Variants in TEX11 observed in about 807,000 individuals in gnomAD.
TEX11 encodes testis expressed 11.
A neutral mutation model predicts 84.4 loss-of-function variants in TEX11; 7 were observed. That is an observed-to-expected ratio of 0.08 (90% confidence interval 0.05 to 0.16). The LOEUF (loss-of-function observed/expected upper bound fraction) is 0.16, where lower values mean the gene tolerates loss of function less well. Among genes scored for constraint, TEX11 ranks in the 10% least tolerant of loss-of-function variants. TEX11 has a pLI of 1.00. For synonymous variants in TEX11, 264 were observed against 222.8 expected, an observed-to-expected ratio of 1.18 and a Z score of -1.64; for missense variants, 551 against 660.5, an observed-to-expected ratio of 0.83 and a Z score of 1.82.
In TEX11 at chrX:70,554,851, CT is replaced by C. The variant is rs1390375037; in HGVS notation, c.2141-52del. ...TTCTTTGTGATTATATTATATTATT[CT>C]CTTTGGTTGTAATTTCACTAACTGG... On this transcript the variant is annotated intron_variant, in intron 25 of 29. Coordinates refer to ENST00000374333, the MANE Select transcript of TEX11 (RefSeq NM_031276.3). 8 of 1,077,971 alleles carry C rather than the reference CT, an allele frequency of 7.4e-6. No individual in the cohort carries two copies. In the African/African-American group the frequency reaches 1.5e-4, roughly 20 times the overall value. The allele number at this position is 1,077,971 out of a possible 1,213,427, so 88.8% of individuals were successfully genotyped here. A position where few individuals can be genotyped will look rare whatever the true frequency, so the allele number is the denominator to read the frequency against.
At chrX:70,723,403 C>T (rs2090575560) in intron 12 of TEX11, among the ~76,000 whole-genome samples, 1 of 111,130 alleles carries the variant, frequency 9.0e-6, no homozygotes, top group African/African-American at 3.3e-5. Flanking sequence ...AATGAATATA[C>T]ACTAATATGA....
chrX:70,648,317 C>T (rs1044925419), intron 17 of TEX11, among the ~76,000 whole-genome samples: 4 of 108,201 alleles, frequency 3.7e-5, no homozygotes, highest in African/African-American at 1.3e-4. Context: ...ATGTAAATGA[C>T]GAGTTAATGG....
intron 11 of TEX11, among the ~76,000 whole-genome samples, chrX:70,732,812 C>A (rs750835285): frequency 3.5e-4 from 39 of 111,557 alleles, no homozygotes; most frequent in South Asian, 2.3e-3. Flanking sequence ...TTTAAAGTTC[C>A]TATGGAACCA....
rs1270808034 is a variant in TEX11, at chrX:70,705,303, T to A, written c.1004+17315A>T. Among the ~76,000 whole-genome samples the A allele has an allele frequency of 2.7e-5, 3 of 111,797 alleles. No individual in the cohort carries two copies. The Admixed American group carries it at 2.9e-4, about 11-fold the overall frequency. On this transcript the variant is annotated intron_variant, in intron 13 of 29. Coordinates refer to ENST00000374333, the MANE Select transcript of TEX11 (RefSeq NM_031276.3). ...GGCCCTTTTTTGGTTCCATATGAAC[T>A]TTAAAGTAGTTTTTTCCAATTCTGT...
intron 13 of TEX11, among the ~76,000 whole-genome samples, chrX:70,687,357 A>G (rs184431749): frequency 5.9e-4 from 66 of 112,145 alleles, no homozygotes; most frequent in African/African-American, 2.0e-3. Context: ...TTAAGTATTT[A>G]ATTACTGTTC....
intron 15 of TEX11, among the ~76,000 whole-genome samples, chrX:70,678,199 G>A (rs952876179): frequency 1.8e-5 from 2 of 108,716 alleles, no homozygotes; most frequent in East Asian, 2.9e-4. Context: ...TTTTCTTTTC[G>A]TCTATTTTGT....
chrX:70,803,683 A>T (rs1409964141), intron 9 of TEX11, among the ~76,000 whole-genome samples: 1 of 112,153 alleles, frequency 8.9e-6, no homozygotes, highest in African/African-American at 3.2e-5. Context: ...TAAGATATTC[A>T]CTGTTCTCAA....
chrX:70,599,201 T>G (rs1190197431), intron 24 of TEX11, among the ~76,000 whole-genome samples: 1 of 110,205 alleles, frequency 9.1e-6, no homozygotes, highest in East Asian at 2.8e-4. Flanking sequence ...AATAAATAAA[T>G]AAAATAAAGA....
chrX:70,541,424 T>C lies in TEX11; in HGVS notation c.2520+10702A>G, dbSNP rs759809662. ...AGAAATGCAATGCTCTATGTCTTGATTGTGATAATGCCAACATCTTGATTG... is the reference window on the plus strand; with the variant it reads ...AGAAATGCAATGCTCTATGTCTTGACTGTGATAATGCCAACATCTTGATTG... On this transcript the variant is annotated intron_variant, in intron 28 of 29. Transcript: ENST00000374333. Among the ~76,000 whole-genome samples the C allele has an allele frequency of 5.2e-4, 58 of 111,159 alleles. 1 individual carries two copies. The highest frequency in any genetic ancestry group is 1.9e-3 in the African/African-American group (58 of 30,595).
chrX:70,738,886 G>A (rs1383506416), intron 11 of TEX11, among the ~76,000 whole-genome samples: 1 of 110,977 alleles, frequency 9.0e-6, no homozygotes, highest in African/African-American at 3.3e-5. Flanking sequence ...ACTCATAAGT[G>A]GGAGTAGAAC....
At chrX:70,787,032 G>A (rs918699792) in intron 9 of TEX11, among the ~76,000 whole-genome samples, 1 of 111,257 alleles carries the variant, frequency 9.0e-6, no homozygotes, top group African/African-American at 3.3e-5. Context: ...CACTCGGGAG[G>A]CTGAGGCAGG....
chrX:70,546,864 T>C (rs1250593355), intron 28 of TEX11, among the ~76,000 whole-genome samples: 2 of 109,981 alleles, frequency 1.8e-5, no homozygotes, highest in Non-Finnish European at 3.8e-5. Context: ...CCTAGGTATA[T>C]ATTCAAGAGA....
intron 13 of TEX11, among the ~76,000 whole-genome samples, chrX:70,712,680 G>A (rs1271168149): frequency 1.8e-5 from 2 of 111,020 alleles, no homozygotes; most frequent in Non-Finnish European, 3.8e-5. Flanking sequence ...TCAGCTTAAG[G>A]AGATTTTGGG....
At chrX:70,873,165 C>A (rs1426911416) in intron 4 of TEX11, 58 bp downstream of exon 4, 3 of 683,630 alleles carry the variant, frequency 4.4e-6, no homozygotes, top group Non-Finnish European at 6.9e-6. Flanking sequence ...TGCAGGAATA[C>A]TACCCAATAT....
At chrX:70,711,296 A>G (rs901907265) in intron 13 of TEX11, among the ~76,000 whole-genome samples, 14 of 111,427 alleles carry the variant, frequency 1.3e-4, no homozygotes, top group Middle Eastern at 9.3e-3. Context: ...TCCTTTAGGT[A>G]TATACCCAGT....
At chrX:70,621,542 A>T in intron 20 of TEX11, among the ~76,000 whole-genome samples, 1 of 36,471 alleles carries the variant, frequency 2.7e-5, no homozygotes, top group Admixed American at 3.6e-4. Context: ...AAAAAAAAAA[A>T]AAAAAAAAAA....
At chrX:70,571,317 C>A (rs1186550734) in intron 25 of TEX11, among the ~76,000 whole-genome samples, 1 of 112,108 alleles carries the variant, frequency 8.9e-6, no homozygotes, top group African/African-American at 3.2e-5. Flanking sequence ...CTGTGCCCAG[C>A]CTGATTTTCT....
At chrX:70,751,254 C>T (rs1257585418) in intron 9 of TEX11, among the ~76,000 whole-genome samples, 3 of 106,893 alleles carry the variant, frequency 2.8e-5, no homozygotes, top group Non-Finnish European at 5.8e-5. Context: ...CAATGATAGA[C>T]TGGATTAAGA....
At chrX:70,803,536 G>A (rs1213722704) in intron 9 of TEX11, among the ~76,000 whole-genome samples, 3 of 111,945 alleles carry the variant, frequency 2.7e-5, no homozygotes, top group African/African-American at 9.7e-5. Context: ...CACTCTTTAC[G>A]TTTAGTATTG....
Sources: allele counts gnomAD v4.1 joint callset (sites outside exome capture counted in the v4.1 genomes callset), GRCh38; gene constraint gnomAD v4.1.1; transcripts MANE v1.5; gene names NCBI Gene and HGNC (gene_info 2026-07-23, HGNC 2026-07-21).